CPLX2: variants seen among roughly 807,000 people sequenced by gnomAD.
The protein encoded by CPLX2 is complexin 2, also known as complexin-2.
In CPLX2, 5 loss-of-function variants were observed where a neutral mutation model predicts 16.3. The ratio of observed to expected loss-of-function variants is 0.31; its 90% CI spans 0.16 to 0.64. CPLX2 has a LOEUF of 0.64. Ranked by LOEUF, CPLX2 falls within the 30% of genes least tolerant of loss-of-function variation. CPLX2 has a pLI of 0.79. For missense variants in CPLX2, 144 were observed against 181.4 expected (o/e 0.79, Z 1.18); for synonymous variants, 89 against 73.2 (o/e 1.22, Z -1.10).
At chr5:175,852,958 G>A (rs1396871109) in intron 2 of CPLX2, among the ~76,000 whole-genome samples, 3 of 152,198 alleles carry the variant, frequency 2.0e-5, no homozygotes, top group African/African-American at 4.8e-5. Context: ...GTCTCAGTAC[G>A]TCCTCAGCAG....
rs369773623 is a variant in CPLX2, at chr5:175,800,850, TAGAC to T, written c.-169+4074_-169+4077del. ...AACAATTGAAAAGCAAATGTGAAAA[TAGAC>T]AGACAGAGAAGGCCTGTGTGAACTA... On this transcript the variant is annotated intron_variant, in intron 1 of 4. Transcript: ENST00000359546. 3.9e-3 allele frequency among the ~76,000 whole-genome samples: 592 copies of T among 152,194 alleles called. 32 individuals carry two copies. The South Asian group carries it at 0.11, about 28-fold the overall frequency.
chr5:175,823,399 C>G (rs1033964888), intron 2 of CPLX2, among the ~76,000 whole-genome samples: 1 of 151,900 alleles, frequency 6.6e-6, no homozygotes, highest in East Asian at 1.9e-4. Context: ...AGTGGTGGAG[C>G]GTATGAACGA....
At chr5:175,859,646 TC>T (rs1759325128) in intron 2 of CPLX2, among the ~76,000 whole-genome samples, 1 of 152,226 alleles carries the variant, frequency 6.6e-6, no homozygotes, top group Non-Finnish European at 1.5e-5. Context: ...AGTATGTGCA[TC>T]TTTGAGGGGG....
chr5:175,880,060 C>G lies in CPLX2; in HGVS notation c.*15C>G. On this transcript the variant is annotated 3_prime_UTR_variant, in exon 4 of 4. Transcript: ENST00000393745. ...TCAAGAAGTAACCAGGCCTCCTGCC[C>G]CAGCCTACTCCACCTGTTACTACTT... is the stretch of plus-strand genomic sequence containing the variant. 5 of 1,604,842 alleles carry G rather than the reference C, an allele frequency of 3.1e-6. No individual in the cohort carries two copies. Among genetic ancestry groups the G allele is most frequent in the Non-Finnish European group, 4.3e-6 (5 of 1,175,362 alleles).
intron 2 of CPLX2, among the ~76,000 whole-genome samples, chr5:175,851,071 G>A (rs1191534511): frequency 1.3e-5 from 2 of 151,998 alleles, no homozygotes; most frequent in Admixed American, 1.3e-4. Flanking sequence ...TGCCTGAGGT[G>A]GTTCTGGTGG....
At chr5:175,844,331 G>A (rs1411977677) in intron 2 of CPLX2, among the ~76,000 whole-genome samples, 1 of 152,202 alleles carries the variant, frequency 6.6e-6, no homozygotes, top group African/African-American at 2.4e-5. Flanking sequence ...AGGAAAATCA[G>A]TGCCTACCAC....
chr5:175,832,546 C>T (rs561635050), intron 2 of CPLX2, among the ~76,000 whole-genome samples: 15 of 152,282 alleles, frequency 9.9e-5, no homozygotes, highest in South Asian at 8.3e-4. Flanking sequence ...GGGCCTGTGA[C>T]GCTTTCAGTT....
chr5:175,833,880 C>G (rs1035864504), intron 2 of CPLX2, among the ~76,000 whole-genome samples: 1 of 152,138 alleles, frequency 6.6e-6, no homozygotes, highest in East Asian at 1.9e-4. Context: ...TCCCTCACAT[C>G]CCCTTTCCTG....
At chr5:175,860,716 C>T (rs907318127) in intron 2 of CPLX2, among the ~76,000 whole-genome samples, 8 of 152,070 alleles carry the variant, frequency 5.3e-5, no homozygotes, top group Non-Finnish European at 1.2e-4. Context: ...CACTTGCCAT[C>T]CTAGAGCCAA....
At chr5:175,819,274 C>T (rs1758465938) in intron 2 of CPLX2, among the ~76,000 whole-genome samples, 1 of 152,162 alleles carries the variant, frequency 6.6e-6, no homozygotes, top group Non-Finnish European at 1.5e-5. Flanking sequence ...AGTGGAGTTG[C>T]TGCATCACAC....
chr5:175,865,079 T>C (rs1759447455), intron 2 of CPLX2, among the ~76,000 whole-genome samples: 1 of 77,636 alleles, frequency 1.3e-5, no homozygotes, highest in Admixed American at 1.4e-4. Flanking sequence ...CATGCACGCA[T>C]GTGCGCGCGC....
intron 2 of CPLX2, among the ~76,000 whole-genome samples, chr5:175,844,774 A>G (rs1759011191): frequency 6.6e-6 from 1 of 152,242 alleles, no homozygotes; most frequent in African/African-American, 2.4e-5. Flanking sequence ...CAGGGCGTGG[A>G]TTTAAAAAGT....
intron 2 of CPLX2, among the ~76,000 whole-genome samples, chr5:175,824,510 C>T (rs1283569423): frequency 6.6e-6 from 1 of 152,166 alleles, no homozygotes; most frequent in Non-Finnish European, 1.5e-5. Flanking sequence ...ATGGACTTGC[C>T]CAAGGCCACA....
At chr5:175,869,747 C>G (rs1467876648), upstream of CPLX2, among the ~76,000 whole-genome samples, 1 of 152,204 alleles carries the variant, frequency 6.6e-6, no homozygotes, top group Non-Finnish European at 1.5e-5. Flanking sequence ...GTGCCCACCA[C>G]CAAACTAGCC....
intron 2 of CPLX2, among the ~76,000 whole-genome samples, chr5:175,810,556 T>C (rs575397014): frequency 6.6e-6 from 1 of 152,332 alleles, no homozygotes; most frequent in Admixed American, 6.5e-5. Context: ...ACACACTGGC[T>C]GCTCAATACG....
At position 175,827,199 on chromosome 5, in the gene CPLX2, G is replaced by A. The variant is rs555100448; in HGVS notation, c.-89+18131G>A. On this transcript the variant is annotated intron_variant, in intron 2 of 4. Transcript: ENST00000359546. ...CTCTAGCCAGAGGGTGGACTACACTGATTGGCCTAAACCGTGGTCATGTGC... is the reference window on the plus strand; with the variant it reads ...CTCTAGCCAGAGGGTGGACTACACTAATTGGCCTAAACCGTGGTCATGTGC... 2.0e-5 allele frequency among the ~76,000 whole-genome samples: 3 copies of A among 152,304 alleles called. No individual in the cohort carries two copies. The East Asian group carries it at 5.8e-4, about 29-fold the overall frequency.
intron 2 of CPLX2, among the ~76,000 whole-genome samples, chr5:175,860,815 C>T (rs1201082506): frequency 2.0e-5 from 3 of 152,122 alleles, no homozygotes; most frequent in Non-Finnish European, 4.4e-5. Context: ...GAGTCAACCC[C>T]ACCCAAACCA....
At chr5:175,862,358 T>G (rs2113691068) in intron 2 of CPLX2, among the ~76,000 whole-genome samples, 1 of 152,298 alleles carries the variant, frequency 6.6e-6, no homozygotes. Flanking sequence ...ACATGGGTGG[T>G]TCCATCCTGT....
At chr5:175,839,096 C>T (rs879773884) in intron 2 of CPLX2, among the ~76,000 whole-genome samples, 5 of 152,126 alleles carry the variant, frequency 3.3e-5, no homozygotes, top group Non-Finnish European at 5.9e-5. Flanking sequence ...AAGAGTCACA[C>T]GATGTTGCCC....
Sources: gnomAD v4.1 joint callset for allele counts (sites outside exome capture counted in the v4.1 genomes callset) on GRCh38, gnomAD v4.1.1 for gene constraint, MANE v1.5 for transcripts, NCBI Gene and HGNC (gene_info 2026-07-23, HGNC 2026-07-21) for gene names.